The following FBLN2 variants were observed in gnomAD, a reference collection of about 807,000 sequenced individuals.
The protein encoded by FBLN2 is fibulin 2, also known as fibulin-2.
Under a neutral mutation model 123.7 loss-of-function variants are expected in FBLN2, and 81 were observed. The observed-to-expected ratio is 0.65, with a 90% confidence interval of 0.55 to 0.79. FBLN2 has a LOEUF of 0.79. Among genes scored for constraint, FBLN2 ranks in the 30% least tolerant of loss-of-function variants. The pLI is 0.00. For missense variants in FBLN2, 1,603 were observed against 1,681.3 expected (o/e 0.95, Z 0.81); for synonymous variants, 699 against 701.4 (o/e 1.00, Z 0.05).
At chr3:13,628,002 G>A in intron 11 of FBLN2, 33 bp downstream of exon 11, 4 of 1,602,192 alleles carry the variant, frequency 2.5e-6, no homozygotes, top group Non-Finnish European at 3.4e-6. Flanking sequence ...GGGATCATCA[G>A]CCTAGGGCTC....
intron 9 of FBLN2, among the ~76,000 whole-genome samples, chr3:13,624,817 A>G (rs1041830510): frequency 2.0e-5 from 3 of 152,262 alleles, no homozygotes; most frequent in Non-Finnish European, 2.9e-5. Flanking sequence ...ATGGATGGAT[A>G]AGCAGGGGAC....
In FBLN2 at chr3:13,589,057, G is replaced by A. The variant is rs150537859; in HGVS notation, c.1306+17396G>A. ...AGAGAGAATTCATAGTTCTTTCTGA[G>A]AAGGGACAGTGCACACTTTTAGTGC... On this transcript the variant is annotated intron_variant, in intron 2 of 17. Transcript: ENST00000404922. 2.6e-4 allele frequency among the ~76,000 whole-genome samples: 39 copies of A among 152,314 alleles called. 1 individual carries two copies. In the East Asian group the frequency reaches 7.1e-3, roughly 28 times the overall value.
At chr3:13,603,046 G>A (rs923971234) in intron 2 of FBLN2, among the ~76,000 whole-genome samples, 2 of 151,694 alleles carry the variant, frequency 1.3e-5, no homozygotes, top group African/African-American at 4.8e-5. Context: ...AAGTAGCTGG[G>A]ATTACAGGTG....
intron 4 of FBLN2, among the ~76,000 whole-genome samples, chr3:13,611,350 C>T (rs904322388): frequency 2.6e-5 from 4 of 152,136 alleles, no homozygotes; most frequent in Non-Finnish European, 4.4e-5. Context: ...CACACTGTTG[C>T]GCAGCCGTCA....
rs139162429 is a variant in FBLN2, at chr3:13,581,755, C to T, written c.1306+10094C>T. Among the ~76,000 whole-genome samples the T allele has an allele frequency of 4.4e-3, 667 of 152,304 alleles. 3 individuals are homozygous for T. Among genetic ancestry groups the T allele is most frequent in the South Asian group, 0.036 (174 of 4,826 alleles). Reference sequence around the variant, plus strand: ...CCCCAGACCCCGTGCCAGTGCTTCACGTGCCTCCTCTCATTTAGTTCCCAT... The same window carrying T: ...CCCCAGACCCCGTGCCAGTGCTTCATGTGCCTCCTCTCATTTAGTTCCCAT... On this transcript the variant is annotated intron_variant, in intron 2 of 17. Transcript: ENST00000404922.
chr3:13,610,920 T>TAA (rs1483447992), intron 4 of FBLN2, among the ~76,000 whole-genome samples: 1 of 118,774 alleles, frequency 8.4e-6, no homozygotes, highest in Non-Finnish European at 1.8e-5. Context: ...ATTATTATTA[T>TAA]TATTATTTTG....
chr3:13,571,404 G>A lies in FBLN2; in HGVS notation c.1049G>A (p.Ser350Asn). The A allele has an allele frequency of 2.5e-6, 4 of 1,613,014 alleles. No homozygotes were observed. Among genetic ancestry groups the A allele is most frequent in the Non-Finnish European group, 3.4e-6 (4 of 1,179,576 alleles). ...LILDAQATSR[S>N]TGPEGVTHAP... ...CTGGATGCCCAAGCCACGTCCCGCA[G>A]CACTGGGCCGGAGGGCGTGACGCAT... Residue 350 changes from serine to asparagine, a missense_variant, in exon 2 of 18, where the codon AGC becomes AAC. Transcript: ENST00000404922.
At chr3:13,607,456 T>C (rs1452082486) in intron 2 of FBLN2, among the ~76,000 whole-genome samples, 1 of 152,194 alleles carries the variant, frequency 6.6e-6, no homozygotes, top group African/African-American at 2.4e-5. Context: ...GAGGGGCTGG[T>C]CTTGCTGTCT....
intron 8 of FBLN2, among the ~76,000 whole-genome samples, chr3:13,620,616 T>G (rs1705817766): frequency 6.6e-6 from 1 of 152,142 alleles, no homozygotes; most frequent in African/African-American, 2.4e-5. Flanking sequence ...GTTCCCACAG[T>G]GAATGGCTTC....
chr3:13,620,314 G>C (rs1332223699), intron 8 of FBLN2, among the ~76,000 whole-genome samples: 1 of 152,220 alleles, frequency 6.6e-6, no homozygotes. Context: ...GCCCTGGTCT[G>C]TGCAGCCATG....
At chr3:13,603,724 T>C (rs1705115641) in intron 2 of FBLN2, among the ~76,000 whole-genome samples, 1 of 152,350 alleles carries the variant, frequency 6.6e-6, no homozygotes, top group Non-Finnish European at 1.5e-5. Flanking sequence ...TATAGCAGCA[T>C]GATTTATAAT....
At chr3:13,596,746 T>G (rs1275115568) in intron 2 of FBLN2, among the ~76,000 whole-genome samples, 1 of 151,958 alleles carries the variant, frequency 6.6e-6, no homozygotes, top group African/African-American at 2.4e-5. Context: ...GCACCCACCA[T>G]TCCATTTTCT....
At position 13,570,635 on chromosome 3, in the gene FBLN2, G is replaced by C; in HGVS notation, c.280G>C (p.Gly94Arg). ...CGGTCAGTCCTATTTTGTGGACTTC[G>C]GGAGCACTGAGTGCTCCTGCCCACC... is the stretch of plus-strand genomic sequence containing the variant. ...PAGQSYFVDFGSTECSCPPGG... is the reference protein window; with the variant it reads ...PAGQSYFVDFRSTECSCPPGG... Residue 94 changes from glycine (G) to arginine (R), a missense_variant, in exon 2 of 18, where the codon GGG becomes CGG. Gly to Arg is a moderately radical substitution (Grantham distance 125). Transcript: ENST00000404922. The C allele has an allele frequency of 6.3e-7, 1 of 1,581,972 alleles. No homozygotes were observed. The highest frequency in any genetic ancestry group is 8.6e-7 in the Non-Finnish European group (1 of 1,165,456).
intron 2 of FBLN2, among the ~76,000 whole-genome samples, chr3:13,587,144 C>CA (rs57120285): frequency 0.11 from 7,438 of 70,492 alleles, 480 homozygotes; most frequent in African/African-American, 0.21. Context: ...GACTCCGTCT[C>CA]AAAAAAAAAA....
intron 2 of FBLN2, among the ~76,000 whole-genome samples, chr3:13,582,669 T>C (rs3773286): frequency 0.048 from 7,318 of 152,270 alleles, 455 homozygotes; most frequent in East Asian, 0.3. Flanking sequence ...CGACTCACCC[T>C]CTCTGAGCCT....
intron 8 of FBLN2, 68 bp downstream of exon 8, chr3:13,619,899 G>C: frequency 2.3e-6 from 3 of 1,289,200 alleles, no homozygotes; most frequent in Non-Finnish European, 1.1e-6. Flanking sequence ...GCCTCCAGGT[G>C]GGGGTGGCTG....
chr3:13,602,544 A>C (rs1705066889), intron 2 of FBLN2, among the ~76,000 whole-genome samples: 1 of 152,234 alleles, frequency 6.6e-6, no homozygotes, highest in Non-Finnish European at 1.5e-5. Context: ...TACATATTAG[A>C]TACATGGTAT....
At chr3:13,567,637 C>G (rs1433101285) in intron 1 of FBLN2, among the ~76,000 whole-genome samples, 1 of 151,640 alleles carries the variant, frequency 6.6e-6, no homozygotes, top group African/African-American at 2.4e-5. Flanking sequence ...GGATTACAGG[C>G]GTGAGCCACC....
intron 7 of FBLN2, among the ~76,000 whole-genome samples, chr3:13,619,437 C>T (rs1705766173): frequency 6.6e-6 from 1 of 152,324 alleles, no homozygotes; most frequent in Non-Finnish European, 1.5e-5. Context: ...CTTCTCTCTT[C>T]TCCTCCATCT....
Sources: allele counts gnomAD v4.1 joint callset (sites outside exome capture counted in the v4.1 genomes callset), GRCh38; gene constraint gnomAD v4.1.1; transcripts MANE v1.5; gene names NCBI Gene and HGNC (gene_info 2026-07-23, HGNC 2026-07-21).